The following SLC35F1 variants were observed in gnomAD, a reference collection of about 807,000 sequenced individuals.
The protein encoded by SLC35F1 is solute carrier family 35 member F1, also known as chromosome 6 open reading frame 169.
Under a neutral mutation model 48.7 loss-of-function variants are expected in SLC35F1, and 14 were observed. The observed-to-expected ratio is 0.29, with a 90% CI of 0.19 to 0.45. SLC35F1 has a LOEUF of 0.45. Ranked by LOEUF, SLC35F1 falls within the 20% of genes least tolerant of loss-of-function variation. SLC35F1 has a pLI of 1.00. For missense variants in SLC35F1, 404 were observed against 500.0 expected (o/e 0.81, Z 1.83); for synonymous variants, 190 against 202.2 (o/e 0.94, Z 0.51).
chr6:118,233,021 A>G (rs1395421943), intron 2 of SLC35F1, among the ~76,000 whole-genome samples: 3 of 151,634 alleles, frequency 2.0e-5, no homozygotes, highest in African/African-American at 7.3e-5. Flanking sequence ...GCTGGAGTGC[A>G]GTGGCGCCAT....
At chr6:118,101,956 T>G (rs1199939354) in intron 1 of SLC35F1, among the ~76,000 whole-genome samples, 1 of 152,124 alleles carries the variant, frequency 6.6e-6, no homozygotes, top group African/African-American at 2.4e-5. Flanking sequence ...AATGCTTAAT[T>G]TGGCCCAGGC....
chr6:117,921,178 G>C (rs1562237615), intron 1 of SLC35F1, among the ~76,000 whole-genome samples: 1 of 152,008 alleles, frequency 6.6e-6, no homozygotes, highest in Non-Finnish European at 1.5e-5. Flanking sequence ...TGGGAGGAGA[G>C]CTCAAGAGTT....
chr6:118,098,803 T>C (rs1057362554), intron 1 of SLC35F1, among the ~76,000 whole-genome samples: 2 of 152,178 alleles, frequency 1.3e-5, no homozygotes, highest in African/African-American at 2.4e-5. Context: ...AGAAATAAGA[T>C]AAGACTTTTA....
At chr6:118,291,341 TA>T (rs1554245312) in intron 7 of SLC35F1, among the ~76,000 whole-genome samples, 2 of 151,386 alleles carry the variant, frequency 1.3e-5, no homozygotes, top group East Asian at 2.0e-4. Context: ...GGAAGATACA[TA>T]AAAAAAGTCT....
At chr6:118,188,583 G>C (rs1482109704) in intron 2 of SLC35F1, among the ~76,000 whole-genome samples, 1 of 151,352 alleles carries the variant, frequency 6.6e-6, no homozygotes, top group Non-Finnish European at 1.5e-5. Flanking sequence ...TATACTTCTG[G>C]TTGAAATCCC....
At chr6:118,256,909 C>T (rs1304424080) in intron 3 of SLC35F1, among the ~76,000 whole-genome samples, 1 of 152,132 alleles carries the variant, frequency 6.6e-6, no homozygotes, top group Non-Finnish European at 1.5e-5. Flanking sequence ...TCAGTTATCC[C>T]ATTCAAAGAT....
At chr6:118,010,944 G>A (rs2114876121) in intron 1 of SLC35F1, among the ~76,000 whole-genome samples, 1 of 152,248 alleles carries the variant, frequency 6.6e-6, no homozygotes, top group East Asian at 1.9e-4. Flanking sequence ...GGATGATTTT[G>A]TCCCCAGGGA....
Position 118,317,430 on chromosome 6 carries a change from G to C in SLC35F1, c.*3178G>C, listed in dbSNP as rs575061174. ...CTTTTTGATTTATAACTATTTAGTA[G>C]TCCCCAGCTAGCTACCAGTACAGAT... On this transcript the variant is annotated 3_prime_UTR_variant, in exon 8 of 8. Coordinates refer to ENST00000360388, the MANE Select transcript of SLC35F1 (RefSeq NM_001029858.4). 6.6e-6 allele frequency: 1 copy of C among 152,238 alleles called. No homozygotes were observed. Among genetic ancestry groups the C allele is most frequent in the East Asian group, 1.9e-4 (1 of 5,184 alleles). 9.4% of individuals were successfully genotyped at this position (152,238 alleles called of 1,614,324 possible). A position where few individuals can be genotyped will look rare whatever the true frequency, so the allele number is the denominator to read the frequency against.
At chr6:118,172,842 C>G (rs1021501276) in intron 2 of SLC35F1, among the ~76,000 whole-genome samples, 3 of 152,082 alleles carry the variant, frequency 2.0e-5, no homozygotes, top group Admixed American at 2.0e-4. Flanking sequence ...ATTTAAGCCA[C>G]AGCTCTGAAT....
At chr6:118,280,820 G>A (rs1359065721) in intron 6 of SLC35F1, among the ~76,000 whole-genome samples, 3 of 151,612 alleles carry the variant, frequency 2.0e-5, no homozygotes, top group Admixed American at 6.6e-5. Context: ...GCAGCGAGTC[G>A]GGATCACGCA....
At chr6:118,251,601 G>A (rs968259141) in intron 3 of SLC35F1, among the ~76,000 whole-genome samples, 2 of 152,132 alleles carry the variant, frequency 1.3e-5, no homozygotes, top group African/African-American at 2.4e-5. Flanking sequence ...GGAATAGCAT[G>A]ATGAGATTTG....
At chr6:117,935,107 C>T (rs1776148386) in intron 1 of SLC35F1, among the ~76,000 whole-genome samples, 1 of 152,020 alleles carries the variant, frequency 6.6e-6, no homozygotes, top group African/African-American at 2.4e-5. Context: ...AACTCCATCT[C>T]AATAAATAAA....
At chr6:117,962,943 A>G (rs1472863523) in intron 1 of SLC35F1, among the ~76,000 whole-genome samples, 1 of 152,110 alleles carries the variant, frequency 6.6e-6, no homozygotes, top group African/African-American at 2.4e-5. Context: ...GCCTCATTCC[A>G]TCACTTCCTA....
intron 1 of SLC35F1, among the ~76,000 whole-genome samples, chr6:118,093,330 T>C (rs952620872): frequency 1.2e-4 from 18 of 151,956 alleles, no homozygotes; most frequent in African/African-American, 4.3e-4. Flanking sequence ...AAAAAAATTA[T>C]AAATGTGAGG....
chr6:118,179,022 GT>G, intron 2 of SLC35F1, among the ~76,000 whole-genome samples: 1 of 152,184 alleles, frequency 6.6e-6, no homozygotes, highest in East Asian at 1.9e-4. Context: ...TTAAATTAAT[GT>G]TTCCCCTGAG....
intron 3 of SLC35F1, among the ~76,000 whole-genome samples, chr6:118,245,241 G>A (rs767454802): frequency 4.6e-4 from 70 of 152,164 alleles, no homozygotes; most frequent in Non-Finnish European, 9.3e-4. Context: ...TAGGTGGAGG[G>A]AAAAGACTGA....
At position 118,049,447 on chromosome 6, in the gene SLC35F1, A is replaced by T. The variant is rs574522268; in HGVS notation, c.174-104998A>T. 3.3e-5 allele frequency among the ~76,000 whole-genome samples: 5 copies of T among 152,248 alleles called. No homozygotes were observed. In the East Asian group the frequency reaches 7.7e-4, roughly 24 times the overall value. ...CAGGCAACCCACAAAATGGGAAAAA[A>T]TTTTTGCAACCTACTCATTTGACAA... On this transcript the variant is annotated intron_variant, in intron 1 of 7. Coordinates refer to ENST00000360388, the MANE Select transcript of SLC35F1 (RefSeq NM_001029858.4).
chr6:118,240,839 G>T (rs542876244), intron 3 of SLC35F1, among the ~76,000 whole-genome samples: 1 of 152,176 alleles, frequency 6.6e-6, no homozygotes, highest in African/African-American at 2.4e-5. Flanking sequence ...GCAGGGTCGT[G>T]TCTGGGCAAG....
At chr6:118,132,754 G>T (rs1209843815) in intron 1 of SLC35F1, among the ~76,000 whole-genome samples, 3 of 152,166 alleles carry the variant, frequency 2.0e-5, no homozygotes, top group African/African-American at 7.2e-5. Context: ...GCAGTATCTG[G>T]AAGATTCTGT....
Sources: gnomAD v4.1 joint callset for allele counts (sites outside exome capture counted in the v4.1 genomes callset) on GRCh38, gnomAD v4.1.1 for gene constraint, MANE v1.5 for transcripts, NCBI Gene and HGNC (gene_info 2026-07-23, HGNC 2026-07-21) for gene names.